The following KLF12 variants were observed in gnomAD, a reference collection of about 807,000 sequenced individuals.
The protein encoded by KLF12 is Krueppel-like factor 12.
Under a neutral mutation model 37.8 loss-of-function variants are expected in KLF12, and 9 were observed. That is an observed-to-expected ratio of 0.24 (90% CI 0.14 to 0.42). The LOEUF is 0.42. KLF12 is among the 10% of genes least tolerant of loss of function. The probability of loss-of-function intolerance (pLI) is 1.00; values close to 1 mark genes in which losing one functional copy is unlikely to be tolerated. For missense variants in KLF12, 411 were observed against 516.0 expected (o/e 0.80, Z 1.97); for synonymous variants, 208 against 202.1 (o/e 1.03, Z -0.25).
chr13:73,723,269 C>T (rs1876412278), intron 6 of KLF12, among the ~76,000 whole-genome samples: 1 of 152,044 alleles, frequency 6.6e-6, no homozygotes, highest in Non-Finnish European at 1.5e-5. Context: ...GGGGAATGTC[C>T]TATGCATTGC....
chr13:74,112,867 C>T (rs1236196763), intron 1 of KLF12, among the ~76,000 whole-genome samples: 2 of 152,168 alleles, frequency 1.3e-5, no homozygotes, highest in African/African-American at 4.8e-5. Context: ...AGACCGAAAG[C>T]CAGGCCTCTT....
At chr13:73,705,710 A>G (rs1441983171) in intron 7 of KLF12, among the ~76,000 whole-genome samples, 1 of 152,234 alleles carries the variant, frequency 6.6e-6, no homozygotes, top group East Asian at 1.9e-4. Context: ...CAACACTCAA[A>G]TCTAGTTATT....
the KLF12 span, among the ~76,000 whole-genome samples, chr13:74,273,535 C>T: frequency 1.3e-5 from 2 of 151,368 alleles, no homozygotes; most frequent in South Asian, 2.1e-4. Context: ...TGGTTGTGTG[C>T]AATTCTGTTA....
chr13:74,025,736 C>T (rs960379958), intron 1 of KLF12, among the ~76,000 whole-genome samples: 2 of 151,936 alleles, frequency 1.3e-5, no homozygotes, highest in East Asian at 3.9e-4. Context: ...CAGTCACTGT[C>T]GTAAATATAA....
the KLF12 span, among the ~76,000 whole-genome samples, chr13:74,282,766 A>G: frequency 4.7e-4 from 71 of 152,328 alleles, no homozygotes; most frequent in African/African-American, 1.7e-3. Flanking sequence ...GATGGGTCTC[A>G]GAGGTTGGGG....
chr13:73,909,121 T>C (rs902401397), intron 3 of KLF12, among the ~76,000 whole-genome samples: 2 of 152,152 alleles, frequency 1.3e-5, no homozygotes, highest in Non-Finnish European at 2.9e-5. Flanking sequence ...GATTTATACA[T>C]AAGATCTTTC....
intron 6 of KLF12, among the ~76,000 whole-genome samples, chr13:73,742,321 T>C (rs942328312): frequency 6.6e-6 from 1 of 152,200 alleles, no homozygotes; most frequent in Admixed American, 6.5e-5. Context: ...AATTACTTCC[T>C]AGTTTTACTT....
intron 3 of KLF12, among the ~76,000 whole-genome samples, chr13:73,854,803 T>A (rs1848112081): frequency 6.6e-6 from 1 of 152,226 alleles, no homozygotes; most frequent in African/African-American, 2.4e-5. Flanking sequence ...TGTCATTTCG[T>A]ATGTTTTCAT....
the KLF12 span, among the ~76,000 whole-genome samples, chr13:74,293,618 A>T: frequency 6.1e-4 from 93 of 152,314 alleles, no homozygotes; most frequent in African/African-American, 2.1e-3. Context: ...TCTATTTCCC[A>T]GTAACTGAAG....
At chr13:73,738,110 TATATATATATATATACACAC>T (rs201706136) in intron 6 of KLF12, among the ~76,000 whole-genome samples, 5,591 of 88,056 alleles carry the variant, frequency 0.063, 200 homozygotes, top group African/African-American at 0.089. Flanking sequence ...TATATATATA[TATATATATATATATACACAC>T]ACACACATAT....
the KLF12 span, among the ~76,000 whole-genome samples, chr13:74,249,712 C>T: frequency 1.3e-5 from 2 of 152,224 alleles, no homozygotes; most frequent in African/African-American, 4.8e-5. Context: ...GCTTTTGAAA[C>T]AATGTGTTCT....
the KLF12 span, among the ~76,000 whole-genome samples, chr13:74,201,232 CT>C: frequency 6.6e-6 from 1 of 152,124 alleles, no homozygotes; most frequent in South Asian, 2.1e-4. Flanking sequence ...ATTTGTAAAT[CT>C]TTTTTTCCAC....
At chr13:73,701,585 C>A (rs1391937306) in intron 7 of KLF12, among the ~76,000 whole-genome samples, 1 of 152,132 alleles carries the variant, frequency 6.6e-6, no homozygotes, top group Non-Finnish European at 1.5e-5. Context: ...TATGAAAGAG[C>A]AAACTTACAG....
intron 1 of KLF12, among the ~76,000 whole-genome samples, chr13:74,063,029 G>A (rs1054640504): frequency 6.6e-6 from 1 of 152,184 alleles, no homozygotes; most frequent in Non-Finnish European, 1.5e-5. Context: ...CTGTCAGTCA[G>A]CAGGAAAATT....
intron 6 of KLF12, among the ~76,000 whole-genome samples, chr13:73,763,189 AGCT>A (rs10534061): frequency 0.02 from 3,059 of 152,252 alleles, 89 homozygotes; most frequent in Admixed American, 0.085. Context: ...TCTTAAATAA[AGCT>A]GCTAACTTCT....
chr13:73,806,993 T>C (rs568499391), intron 5 of KLF12, among the ~76,000 whole-genome samples: 15 of 152,082 alleles, frequency 9.9e-5, no homozygotes, highest in Admixed American at 3.9e-4. Context: ...TTTCTTTGAC[T>C]GTTAAATACA....
At chr13:73,857,101 G>C (rs2138769866) in intron 3 of KLF12, among the ~76,000 whole-genome samples, 1 of 152,300 alleles carries the variant, frequency 6.6e-6, no homozygotes, top group South Asian at 2.1e-4. Flanking sequence ...TGATTCCCAT[G>C]GAATGATCTC....
chr13:73,834,700 C>T (rs1010083507), intron 4 of KLF12, among the ~76,000 whole-genome samples: 23 of 152,094 alleles, frequency 1.5e-4, no homozygotes, highest in African/African-American at 5.3e-4. Context: ...TTCGTAGAGA[C>T]GAGGTTTCGC....
At chr13:74,245,236 A>G in the KLF12 span, among the ~76,000 whole-genome samples, 1 of 152,222 alleles carries the variant, frequency 6.6e-6, no homozygotes, top group East Asian at 1.9e-4. Flanking sequence ...TTTGGGACAT[A>G]CAGGTGAGAC....
Sources: gnomAD v4.1 joint callset for allele counts (sites outside exome capture counted in the v4.1 genomes callset) on GRCh38, gnomAD v4.1.1 for gene constraint, MANE v1.5 for transcripts, NCBI Gene and HGNC (gene_info 2026-07-23, HGNC 2026-07-21) for gene names.